CPNE6: variants seen among roughly 807,000 people sequenced by gnomAD.
CPNE6 encodes copine-6.
A neutral mutation model predicts 71.5 loss-of-function variants in CPNE6; 33 were observed. The observed-to-expected ratio is 0.46, with a 90% CI of 0.35 to 0.62. The LOEUF (loss-of-function observed/expected upper bound fraction) is 0.62, where lower values mean the gene tolerates loss of function less well. Among genes scored for constraint, CPNE6 ranks in the 20% least tolerant of loss-of-function variants. The pLI is 0.00. For missense variants in CPNE6, 576 were observed against 747.3 expected, an observed-to-expected ratio of 0.77 and a Z score of 2.67; for synonymous variants, 296 against 293.0, an observed-to-expected ratio of 1.01 and a Z score of -0.10.
Position 24,075,323 on chromosome 14 carries a change from G to A in CPNE6, c.777+47G>A. ...CAGAATCCCACCCAGATCCCTGGGA[G>A]AATCCTGAGGGTGATGCTGAAGAGA... On this transcript the variant is annotated intron_variant, in intron 9 of 17. Coordinates refer to ENST00000397016, the Ensembl canonical transcript of CPNE6. The surrounding 1 kb of genome is among the most constrained non-coding windows in gnomAD (Gnocchi z 4.3). The A allele has an allele frequency of 2.6e-6, 4 of 1,533,698 alleles. No individual in the cohort carries two copies. The highest frequency in any genetic ancestry group is 2.2e-5 in the East Asian group (1 of 44,482).
At chr14:24,076,314 A>G (rs755825758) in intron 12 of CPNE6, 32 bp downstream of exon 11, 1 of 1,614,246 alleles carries the variant, frequency 6.2e-7, no homozygotes, top group East Asian at 2.2e-5. Context: ...GGGAACAGGC[A>G]GGGAGGCCTT....
intron 2 of CPNE6, 182 bp downstream of exon 1, chr14:24,071,823 A>AC (rs972874760): frequency 4.6e-5 from 23 of 504,946 alleles, no homozygotes; most frequent in African/African-American, 2.4e-4. Context: ...GAAGGCAGAG[A>AC]CCCCCCTCCC....
chr14:24,071,501 G>GCCCC, intron 1 of CPNE6, 61 bp from the exon 1 acceptor site: 3 of 1,416,702 alleles, frequency 2.1e-6, no homozygotes, highest in East Asian at 2.7e-5. Flanking sequence ...CTGGTGCTGC[G>GCCCC]CCCCCCCCCA....
chr14:24,071,889 T>C, intron 2 of CPNE6: 2 of 423,108 alleles, frequency 4.7e-6, no homozygotes, highest in Non-Finnish European at 8.4e-6. Context: ...GGGAGGTAGA[T>C]ACCCAGCCAG....
chr14:24,075,217 G>A lies in CPNE6; in HGVS notation c.718G>A (p.Gly240Ser), dbSNP rs1003374166. The A allele has an allele frequency of 4.3e-6, 7 of 1,613,910 alleles. No individual in the cohort carries two copies. The highest frequency in any genetic ancestry group is 1.7e-5 in the Admixed American group (1 of 59,988). ...CTCCAGTGGGAAGCATGACTTCATC[G>A]GCGAGTTCACCAGCACTTTCCAGGA... The change falls in exon 9 of 18, where the codon GGC becomes AGC. Residue 240 changes from glycine to serine, a missense_variant. Gly to Ser is a moderately conservative substitution (Grantham distance 56, BLOSUM62 0). Around this residue, in one of 4 missense-constraint regions of CPNE6, gnomAD observed 214 missense variants for 291.2 expected, o/e 0.73. Coordinates refer to ENST00000397016, the Ensembl canonical transcript of CPNE6. The surrounding 1 kb of genome is among the most constrained non-coding windows in gnomAD (Gnocchi z 4.3).
In CPNE6 at chr14:24,075,439, G is replaced by T. The variant is rs1228874640; in HGVS notation, c.778-66G>T. On this transcript the variant is annotated intron_variant, in intron 9 of 17. Transcript: ENST00000397016. The surrounding 1 kb of genome is among the most constrained non-coding windows in gnomAD (Gnocchi z 4.3). ...TGGGGGTCTTGCTCTGGGAGGCTCT[G>T]CTGGAAGGGAGAAAGAGGGGTCACC... 1.3e-6 allele frequency: 2 copies of T among 1,518,684 alleles called. No homozygotes were observed. The highest frequency in any genetic ancestry group is 1.8e-6 in the Non-Finnish European group (2 of 1,102,508). 94.1% of individuals were successfully genotyped at this position (1,518,684 alleles called of 1,614,324 possible).
intron 1 of CPNE6, 135 bp from the exon 1 acceptor site, chr14:24,071,427 C>T: frequency 6.8e-7 from 1 of 1,465,350 alleles, no homozygotes; most frequent in Non-Finnish European, 9.0e-7. Context: ...TTCTGTGGCT[C>T]CCTCCCAGGC....
At chr14:24,071,427 C>A in intron 1 of CPNE6, 135 bp from the exon 1 acceptor site, 1 of 1,465,350 alleles carries the variant, frequency 6.8e-7, no homozygotes. Context: ...TTCTGTGGCT[C>A]CCTCCCAGGC....
At position 24,075,317 on chromosome 14, in the gene CPNE6, C is replaced by G; in HGVS notation, c.777+41C>G. 1 of 1,554,610 alleles carries G rather than the reference C, an allele frequency of 6.4e-7. No homozygotes were observed. The highest frequency in any genetic ancestry group is 8.9e-7 in the Non-Finnish European group (1 of 1,125,892). On this transcript the variant is annotated intron_variant, in intron 9 of 17. Transcript: ENST00000397016. The surrounding 1 kb of genome is among the most constrained non-coding windows in gnomAD (Gnocchi z 4.3). Reference sequence around the variant, plus strand: ...CACCCCCAGAATCCCACCCAGATCCCTGGGAGAATCCTGAGGGTGATGCTG... The same window carrying G: ...CACCCCCAGAATCCCACCCAGATCCGTGGGAGAATCCTGAGGGTGATGCTG...
chr14:24,071,487 G>A lies in CPNE6; in HGVS notation c.-119-40G>A, dbSNP rs766640936. 7 of 1,529,466 alleles carry A rather than the reference G, an allele frequency of 4.6e-6. No individual in the cohort carries two copies. The South Asian group carries it at 7.2e-5, about 16-fold the overall frequency. The allele number at this position is 1,529,466 out of a possible 1,614,324, so 94.7% of individuals were successfully genotyped here. ...TCCCTCCCAATCCATCCACGCGGGG[G>A]GAGCTGGTGCTGCGCCCCCCCCCAC... On this transcript the variant is annotated intron_variant, in intron 1 of 17. Coordinates refer to ENST00000397016, the Ensembl canonical transcript of CPNE6.
chr14:24,071,082 G>C, intron 1 of CPNE6: 3 of 1,480,906 alleles, frequency 2.0e-6, no homozygotes, highest in Non-Finnish European at 1.8e-6. Flanking sequence ...TCCTGTATAT[G>C]TGACTGCAGA....
Position 24,074,541 on chromosome 14 carries a change from G to A in CPNE6, c.509G>A (p.Ser170Asn). Residue 170 changes from serine (S) to asparagine (N), a missense_variant, in exon 7 of 18, where the codon AGC (serine) becomes AAC (asparagine). By Grantham distance (46) the Ser-to-Asn change is conservative. This residue lies in a region of CPNE6 where 214 missense variants were observed against 291.2 expected (regional missense o/e 0.73). Coordinates refer to ENST00000397016, the Ensembl canonical transcript of CPNE6. This position sits in a 1 kb window ranked among gnomAD's most constrained non-coding sequence, Gnocchi z 4.5. ...CTCCTGTATCTTCAGGATCTGTTCA[G>A]CAAGTCTGACCCTTTCATGGAAATC... 1 of 1,614,116 alleles carries A rather than the reference G, an allele frequency of 6.2e-7. No homozygotes were observed. The highest frequency in any genetic ancestry group is 8.5e-7 in the Non-Finnish European group (1 of 1,180,002).
At chr14:24,076,404 C>T in exon 13 of CPNE6, 1 of 1,614,210 alleles carries the variant, frequency 6.2e-7, no homozygotes, top group Non-Finnish European at 8.5e-7. Flanking sequence ...CGAATCCCCC[C>T]CAACTTCGAG....
chr14:24,073,175 C>CA lies in CPNE6; in HGVS notation c.168+72dup. On this transcript the variant is annotated intron_variant, in intron 3 of 17. Transcript: ENST00000397016. This position sits in a 1 kb window ranked among gnomAD's most constrained non-coding sequence, Gnocchi z 5.5. ...GGGAAAGAGGGAGGCTGGGTGGGAG[C>CA]AGTGAAAGCCTTGCAGGGAAATGTG... The CA allele has an allele frequency of 7.3e-7, 1 of 1,373,810 alleles. No individual in the cohort carries two copies. Among genetic ancestry groups the CA allele is most frequent in the Non-Finnish European group, 9.5e-7 (1 of 1,057,448 alleles). 85.1% of individuals were successfully genotyped at this position (1,373,810 alleles called of 1,614,324 possible).
intron 11 of CPNE6, 123 bp from the exon 11 acceptor site, chr14:24,076,026 T>C (rs780009099): frequency 7.6e-5 from 114 of 1,500,816 alleles, no homozygotes; most frequent in Non-Finnish European, 1.0e-4. Flanking sequence ...CCCCACATCA[T>C]TATGTGGCTA....
In CPNE6 at chr14:24,075,608, G is replaced by C. The variant is rs1428982527; in HGVS notation, c.864+17G>C. ...CAGTGCACGGTAAATTTCACTTCCT[G>C]CTTCAAGCCTTGCCCCAGCCCCTGC... On this transcript the variant is annotated intron_variant, in intron 10 of 17. Coordinates refer to ENST00000397016, the Ensembl canonical transcript of CPNE6. The surrounding 1 kb of genome is among the most constrained non-coding windows in gnomAD (Gnocchi z 4.3). 3 of 1,595,598 alleles carry C rather than the reference G, an allele frequency of 1.9e-6. No individual in the cohort carries two copies. Among genetic ancestry groups the C allele is most frequent in the Non-Finnish European group, 2.6e-6 (3 of 1,168,540 alleles).
chr14:24,071,501 G>GGGGGGCC, intron 1 of CPNE6, 61 bp from the exon 1 acceptor site: 13 of 1,416,656 alleles, frequency 9.2e-6, no homozygotes, highest in Non-Finnish European at 1.2e-5. Flanking sequence ...CTGGTGCTGC[G>GGGGGGCC]CCCCCCCCCA....
chr14:24,075,162 G>T lies in CPNE6; in HGVS notation c.673-10G>T, dbSNP rs762799361. On this transcript the variant is annotated splice_polypyrimidine_tract_variant and intron_variant, in intron 8 of 17. Transcript: ENST00000397016. This position sits in a 1 kb window ranked among gnomAD's most constrained non-coding sequence, Gnocchi z 4.3. ...CCAACCTGACCCCACCCCTCCCCCT[G>T]CCTTCTCAGTTCCTGGTGTATGACT... The T allele has an allele frequency of 1.2e-6, 2 of 1,608,054 alleles. No homozygotes were observed. Among genetic ancestry groups the T allele is most frequent in the Non-Finnish European group, 1.7e-6 (2 of 1,174,798 alleles).
chr14:24,075,896 CAGAG>C lies in CPNE6; in HGVS notation c.924+11_924+14del, dbSNP rs2036046007. The C allele has an allele frequency of 6.2e-7, 1 of 1,614,002 alleles. No individual in the cohort carries two copies. The highest frequency in any genetic ancestry group is 8.5e-7 in the Non-Finnish European group (1 of 1,179,920). On this transcript the variant is annotated intron_variant, in intron 11 of 17. Coordinates refer to ENST00000397016, the Ensembl canonical transcript of CPNE6. The surrounding 1 kb of genome is among the most constrained non-coding windows in gnomAD (Gnocchi z 4.3). Reference sequence around the variant, plus strand: ...CCAGATCAGCTTCACGGTAAAGACTCAGAGGGAGGGCACACAGGCAAGAGGGAGG... The same window carrying C: ...CCAGATCAGCTTCACGGTAAAGACTCGGAGGGCACACAGGCAAGAGGGAGG...
Sources: allele counts gnomAD v4.1 joint callset, GRCh38; gene constraint gnomAD v4.1.1; regional missense constraint gnomAD v4.1.1; non-coding constraint Gnocchi (gnomAD v3.1); transcripts MANE v1.5; gene names NCBI Gene and HGNC (gene_info 2026-07-23, HGNC 2026-07-21).